The following CAMKMT variants were observed in gnomAD, a reference collection of about 807,000 sequenced individuals.
CAMKMT encodes calmodulin-lysine N-methyltransferase.
CAMKMT carries 53 observed loss-of-function variants against 48.0 expected under a neutral mutation model. The ratio of observed to expected loss-of-function variants is 1.10; its 90% CI spans 0.89 to 1.39. The LOEUF (loss-of-function observed/expected upper bound fraction) is 1.39, where lower values mean the gene tolerates loss of function less well. Ranked by LOEUF, CAMKMT falls within the 40% of genes most tolerant of loss-of-function variation. The probability of loss-of-function intolerance (pLI) is 0.00; values close to 1 mark genes in which losing one functional copy is unlikely to be tolerated. For synonymous variants in CAMKMT, 165 were observed against 152.3 expected (o/e 1.08, Z -0.61); for missense variants, 428 against 402.7 (o/e 1.06, Z -0.54).
intron 7 of CAMKMT, among the ~76,000 whole-genome samples, chr2:44,725,655 C>A (rs780600615): frequency 6.6e-6 from 1 of 152,018 alleles, no homozygotes; most frequent in Non-Finnish European, 1.5e-5. Context: ...GTATAAAAGG[C>A]AGGGAGGAAA....
intron 3 of CAMKMT, among the ~76,000 whole-genome samples, chr2:44,506,417 C>T (rs1051167570): frequency 2.0e-5 from 3 of 151,952 alleles, no homozygotes; most frequent in South Asian, 2.1e-4. Flanking sequence ...CAGTTTTCAG[C>T]GATTTTCATT....
intron 3 of CAMKMT, among the ~76,000 whole-genome samples, chr2:44,406,039 G>T (rs1682755575): frequency 6.6e-6 from 1 of 152,022 alleles, no homozygotes. Flanking sequence ...TGGAACCAAG[G>T]GTATCTAGTT....
At chr2:44,496,829 T>C (rs1470070756) in intron 3 of CAMKMT, among the ~76,000 whole-genome samples, 3 of 152,196 alleles carry the variant, frequency 2.0e-5, no homozygotes, top group African/African-American at 7.2e-5. Flanking sequence ...AAGTCTAATA[T>C]GTAGGCATCT....
intron 10 of CAMKMT, among the ~76,000 whole-genome samples, chr2:44,771,652 G>A (rs1012399028): frequency 3.9e-5 from 6 of 152,250 alleles, no homozygotes; most frequent in Admixed American, 6.5e-5. Flanking sequence ...TGAAATGCCC[G>A]CCTGCCTGAA....
chr2:44,528,969 A>G (rs1666322058), intron 3 of CAMKMT, among the ~76,000 whole-genome samples: 1 of 151,946 alleles, frequency 6.6e-6, no homozygotes, highest in Non-Finnish European at 1.5e-5. Flanking sequence ...AGTGGCCATT[A>G]TTTCGTTAGG....
At position 44,622,254 on chromosome 2, in the gene CAMKMT, C is replaced by G. The variant is rs146986321; in HGVS notation, c.377-82029C>G. ...ACTTCCACTTATTTATGTCTGGTGT[C>G]TTTTTAGCTTTTAAAAAATCAACTC... On this transcript the variant is annotated intron_variant, in intron 3 of 10. Transcript: ENST00000378494. Among the ~76,000 whole-genome samples, 7 of 152,228 alleles carry G rather than the reference C, an allele frequency of 4.6e-5. No individual in the cohort carries two copies. The East Asian group carries it at 1.4e-3, about 29-fold the overall frequency.
At chr2:44,626,047 A>G (rs1388703156) in intron 3 of CAMKMT, among the ~76,000 whole-genome samples, 1 of 152,208 alleles carries the variant, frequency 6.6e-6, no homozygotes, top group Non-Finnish European at 1.5e-5. Context: ...TAAAAAATCA[A>G]AAGAAGAAGG....
intron 3 of CAMKMT, among the ~76,000 whole-genome samples, chr2:44,452,247 T>C (rs1247973712): frequency 3.3e-5 from 5 of 151,968 alleles, no homozygotes; most frequent in Non-Finnish European, 5.9e-5. Flanking sequence ...TTCTTTAACA[T>C]AGAATGAATA....
intron 3 of CAMKMT, among the ~76,000 whole-genome samples, chr2:44,543,210 A>T (rs1667226551): frequency 1.3e-5 from 2 of 152,182 alleles, no homozygotes; most frequent in African/African-American, 2.4e-5. Flanking sequence ...TTAAGAGAAA[A>T]GCTGAGAATC....
intron 3 of CAMKMT, chr2:44,457,295 T>A (rs2104608007): frequency 1.3e-5 from 2 of 152,312 alleles, no homozygotes; most frequent in Middle Eastern, 6.8e-3. Flanking sequence ...GTTTTTTGGT[T>A]AACATCACTT....
Position 44,579,623 on chromosome 2 carries a change from T to C in CAMKMT, c.377-124660T>C, listed in dbSNP as rs565215219. ...CCCACAAAAGGTTTTTGGTTTGCCC[T>C]TTCTCTCCTGAGCTATTGACAAACT... is the stretch of plus-strand genomic sequence containing the variant. On this transcript the variant is annotated intron_variant, in intron 3 of 10. Coordinates refer to ENST00000378494, the MANE Select transcript of CAMKMT (RefSeq NM_024766.5). Among the ~76,000 whole-genome samples, 9 of 152,344 alleles carry C rather than the reference T, an allele frequency of 5.9e-5. No homozygotes were observed. In the East Asian group the frequency reaches 1.2e-3, roughly 20 times the overall value.
chr2:44,500,226 TA>T (rs1204467142), intron 3 of CAMKMT, among the ~76,000 whole-genome samples: 1 of 152,176 alleles, frequency 6.6e-6, no homozygotes, highest in Non-Finnish European at 1.5e-5. Flanking sequence ...AAGTAGGTTT[TA>T]CACTATCTAC....
intron 3 of CAMKMT, among the ~76,000 whole-genome samples, chr2:44,576,209 T>G (rs1669209363): frequency 6.6e-6 from 1 of 151,168 alleles, no homozygotes; most frequent in Non-Finnish European, 1.5e-5. Context: ...ATGCCTGTAA[T>G]CCCAGCTACT....
intron 1 of CAMKMT, among the ~76,000 whole-genome samples, chr2:44,364,865 G>A (rs1678425581): frequency 1.3e-5 from 2 of 152,136 alleles, no homozygotes; most frequent in Non-Finnish European, 2.9e-5. Flanking sequence ...AGGTATAAGA[G>A]CAAGCCCAAC....
chr2:44,404,221 G>A (rs977562704), intron 3 of CAMKMT, among the ~76,000 whole-genome samples: 2 of 151,950 alleles, frequency 1.3e-5, no homozygotes, highest in African/African-American at 4.8e-5. Context: ...AATAAATTAG[G>A]ATATGATTAT....
chr2:44,402,327 T>TAAA (rs61683632), intron 3 of CAMKMT, among the ~76,000 whole-genome samples: 4 of 116,432 alleles, frequency 3.4e-5, no homozygotes, highest in African/African-American at 9.6e-5. Context: ...AGACTCTGTC[T>TAAA]AAAAAAAAAA....
chr2:44,753,137 G>A (rs567579710), intron 8 of CAMKMT, among the ~76,000 whole-genome samples: 1 of 151,720 alleles, frequency 6.6e-6, no homozygotes, highest in East Asian at 1.9e-4. Flanking sequence ...CCTGGGTTGG[G>A]TACAGTGGCA....
chr2:44,382,391 T>C (rs940640838), intron 2 of CAMKMT, among the ~76,000 whole-genome samples: 11 of 152,132 alleles, frequency 7.2e-5, no homozygotes, highest in Non-Finnish European at 1.3e-4. Context: ...TTATTTGTGA[T>C]TGGTGACTTT....
At chr2:44,706,458 C>A in intron 5 of CAMKMT, 117 bp downstream of exon 5, 3 of 973,888 alleles carry the variant, frequency 3.1e-6, no homozygotes, top group Non-Finnish European at 4.9e-6. Flanking sequence ...GGTCAAGCTG[C>A]CGGGTCTTGA....
Sources: allele counts gnomAD v4.1 joint callset (sites outside exome capture counted in the v4.1 genomes callset), GRCh38; gene constraint gnomAD v4.1.1; transcripts MANE v1.5; gene names NCBI Gene and HGNC (gene_info 2026-07-23, HGNC 2026-07-21).